Variants in SLC24A4 observed in about 807,000 individuals in gnomAD.
SLC24A4 encodes solute carrier family 24 member 4.
A neutral mutation model predicts 79.0 loss-of-function variants in SLC24A4; 53 were observed. That is an observed-to-expected ratio of 0.67 (90% CI 0.54 to 0.84). The LOEUF (loss-of-function observed/expected upper bound fraction) is 0.84. Ranked by LOEUF, SLC24A4 falls within the 40% of genes least tolerant of loss-of-function variation. The pLI is 0.00. For synonymous variants in SLC24A4, 323 were observed against 323.8 expected (o/e 1.00, Z 0.03); for missense variants, 731 against 822.0 (o/e 0.89, Z 1.35).
chr14:92,351,236 G>GCA (rs1555360939), intron 2 of SLC24A4, among the ~76,000 whole-genome samples: 5,050 of 147,020 alleles, frequency 0.034, 93 homozygotes, highest in East Asian at 0.068. Flanking sequence ...ACACATACAC[G>GCA]CACACACACA....
chr14:92,360,540 C>G (rs1887449457), intron 2 of SLC24A4, among the ~76,000 whole-genome samples: 1 of 152,224 alleles, frequency 6.6e-6, no homozygotes, highest in African/African-American at 2.4e-5. Context: ...TTTATGTCCT[C>G]TCTGGGGCTG....
chr14:92,348,141 G>A (rs1253956826), intron 2 of SLC24A4, among the ~76,000 whole-genome samples: 1 of 152,092 alleles, frequency 6.6e-6, no homozygotes, highest in Non-Finnish European at 1.5e-5. Context: ...AGTTACTAAG[G>A]TGCTCCATTT....
At position 92,337,072 on chromosome 14, in the gene SLC24A4, G is replaced by C. The variant is rs182360012; in HGVS notation, c.241+11094G>C. Among the ~76,000 whole-genome samples the C allele has an allele frequency of 2.0e-3, 312 of 152,290 alleles. 2 individuals are homozygous for C. The South Asian group carries it at 0.023, about 11-fold the overall frequency. On this transcript the variant is annotated intron_variant, in intron 2 of 16. Transcript: ENST00000532405. ...GAGCCAGTGCTCAACTAGGGCTAGG[G>C]CTGGATCAGATTACTTGGATTTTTT... is the stretch of plus-strand genomic sequence containing the variant.
chr14:92,353,964 C>T lies in SLC24A4; in HGVS notation c.241+27986C>T, dbSNP rs972241457. Among the ~76,000 whole-genome samples, 5 of 152,208 alleles carry T rather than the reference C, an allele frequency of 3.3e-5. No individual in the cohort carries two copies. Among genetic ancestry groups the T allele is most frequent in the African/African-American group, 1.2e-4 (5 of 41,460 alleles). On this transcript the variant is annotated intron_variant, in intron 2 of 16. Coordinates refer to ENST00000532405, the MANE Select transcript of SLC24A4 (RefSeq NM_153646.4). This position sits in a 1 kb window ranked among gnomAD's most constrained non-coding sequence, Gnocchi z 4.1. ...ATGGGCTGACCCCGTGCTGGAGTCA[C>T]CTCGCAGTCACTTGCTAAGAGAAAT... is the stretch of plus-strand genomic sequence containing the variant.
intron 2 of SLC24A4, among the ~76,000 whole-genome samples, chr14:92,403,274 C>T (rs1006099124): frequency 2.0e-5 from 3 of 152,042 alleles, no homozygotes; most frequent in Non-Finnish European, 4.4e-5. Context: ...AGTCATGCAT[C>T]CCCGCACACA....
chr14:92,339,029 G>T (rs1270097990), intron 2 of SLC24A4, among the ~76,000 whole-genome samples: 1 of 152,194 alleles, frequency 6.6e-6, no homozygotes, highest in Non-Finnish European at 1.5e-5. Flanking sequence ...TCCCTGGCTG[G>T]CCCCTCTAGC....
In SLC24A4 at chr14:92,498,205, C is replaced by T. The variant is rs1350821881; in HGVS notation, c.*4577C>T. The T allele has an allele frequency of 6.6e-6, 1 of 152,276 alleles. No individual in the cohort carries two copies. Among genetic ancestry groups the T allele is most frequent in the African/African-American group, 2.4e-5 (1 of 41,456 alleles). 9.4% of individuals were successfully genotyped at this position (152,276 alleles called of 1,614,324 possible). ...GTGCACCCGAAGGATTTCCTGGTCT[C>T]TGTAGCTGATCCTGTGAGCCCCTCA... On this transcript the variant is annotated 3_prime_UTR_variant, in exon 17 of 17. Transcript: ENST00000532405.
At chr14:92,479,420 T>C (rs774833025) in intron 12 of SLC24A4, among the ~76,000 whole-genome samples, 11 of 152,152 alleles carry the variant, frequency 7.2e-5, no homozygotes, top group Admixed American at 2.0e-4. Context: ...CAAGAAAGAG[T>C]GTTGAATTTT....
Position 92,490,506 on chromosome 14 carries a change from A to G in SLC24A4, c.1538-1159A>G, listed in dbSNP as rs1302880185. ...CACCCTTCAGAAACTACCAGAGCAT[A>G]CAATCCGATATCCTGTGATTCCCAG... On this transcript the variant is annotated intron_variant, in intron 14 of 16. Coordinates refer to ENST00000532405, the MANE Select transcript of SLC24A4 (RefSeq NM_153646.4). The surrounding 1 kb of genome is among the most constrained non-coding windows in gnomAD (Gnocchi z 4.3). Among the ~76,000 whole-genome samples the G allele has an allele frequency of 2.6e-5, 4 of 152,188 alleles. No individual in the cohort carries two copies. The highest frequency in any genetic ancestry group is 2.0e-4 in the Admixed American group (3 of 15,272).
rs1010484829 is a variant in SLC24A4, at chr14:92,441,837, C to T, written c.394-252C>T. Among the ~76,000 whole-genome samples, 12 of 152,124 alleles carry T rather than the reference C, an allele frequency of 7.9e-5. No homozygotes were observed. Among genetic ancestry groups the T allele is most frequent in the Non-Finnish European group, 1.5e-4 (10 of 68,020 alleles). On this transcript the variant is annotated intron_variant, in intron 4 of 16. Transcript: ENST00000532405. This position sits in a 1 kb window ranked among gnomAD's most constrained non-coding sequence, Gnocchi z 4.6. ...TCATCAGGGAGACATTATTTGGTCA[C>T]GGGCTTGGAGGACAAACAGAAAGGA...
Position 92,495,000 on chromosome 14 carries a change from A to G in SLC24A4, c.*1372A>G, listed in dbSNP as rs955895889. 4 of 152,620 alleles carry G rather than the reference A, an allele frequency of 2.6e-5. No homozygotes were observed. The highest frequency in any genetic ancestry group is 2.6e-4 in the Admixed American group (4 of 15,284). The allele number at this position is 152,620 out of a possible 1,614,324, so 9.5% of individuals were successfully genotyped here. A position where few individuals can be genotyped will look rare whatever the true frequency, so the allele number is the denominator to read the frequency against. On this transcript the variant is annotated 3_prime_UTR_variant, in exon 17 of 17. Coordinates refer to ENST00000532405, the MANE Select transcript of SLC24A4 (RefSeq NM_153646.4). The surrounding 1 kb of genome is among the most constrained non-coding windows in gnomAD (Gnocchi z 4.6). ...TAGAGAGGTTTTTTATTTTTTTAAT[A>G]TTTCTATTGCAAAAGTCTATCCGAT...
chr14:92,417,663 T>C (rs1891054077), intron 2 of SLC24A4, among the ~76,000 whole-genome samples: 1 of 152,266 alleles, frequency 6.6e-6, no homozygotes, highest in African/African-American at 2.4e-5. Context: ...GCTCCATTTG[T>C]GGTAAGTGCC....
rs777031420 is a variant in SLC24A4 at position 92,488,074 on chromosome 14, C to CTTTTTTT, written c.1537+1303_1537+1309dup. Among the ~76,000 whole-genome samples, 3 of 138,780 alleles carry CTTTTTTT rather than the reference C, an allele frequency of 2.2e-5. 1 individual carries two copies. The allele number at this position is 138,780 out of a possible 152,430, so 91.0% of individuals were successfully genotyped here. On this transcript the variant is annotated intron_variant, in intron 14 of 16. Transcript: ENST00000532405. ...TCTCCTCCTCCTCCTCCTTCTTCCT[C>CTTTTTTT]TTTTTTTTTTTTTTTGTGATGGAGT... is the stretch of plus-strand genomic sequence containing the variant.
intron 2 of SLC24A4, among the ~76,000 whole-genome samples, chr14:92,361,829 A>G (rs1487874914): frequency 6.6e-6 from 1 of 152,128 alleles, no homozygotes; most frequent in Non-Finnish European, 1.5e-5. Context: ...TGAGGTCTCC[A>G]TGAATCCTCC....
intron 4 of SLC24A4, 56 bp from the exon 5 acceptor site, chr14:92,442,033 T>C (rs911052729): frequency 7.2e-7 from 1 of 1,396,990 alleles, no homozygotes; most frequent in Non-Finnish European, 1.0e-6. Flanking sequence ...GAGCGTCCAG[T>C]GATGTCCAGT....
chr14:92,341,746 A>T (rs1886155837), intron 2 of SLC24A4, among the ~76,000 whole-genome samples: 1 of 152,196 alleles, frequency 6.6e-6, no homozygotes. Flanking sequence ...GGGATGTTTC[A>T]GTTAGATGGG....
At chr14:92,414,100 T>G (rs2141800851) in intron 2 of SLC24A4, among the ~76,000 whole-genome samples, 1 of 152,196 alleles carries the variant, frequency 6.6e-6, no homozygotes, top group South Asian at 2.1e-4. Flanking sequence ...CAGTGTTCAG[T>G]GGGCAAAGAC....
intron 2 of SLC24A4, among the ~76,000 whole-genome samples, chr14:92,380,947 G>C (rs1396024638): frequency 6.6e-6 from 1 of 152,182 alleles, no homozygotes; most frequent in Non-Finnish European, 1.5e-5. Flanking sequence ...TGGGCCTGCT[G>C]TGAGGGTTCA....
rs551375860 is a variant in SLC24A4 at position 92,437,008 on chromosome 14, T to C, written c.319-2327T>C. ...GATGCAGCTAATGTATCTTCTACTT[T>C]ATTAATCCCAATGAATGAATGGTGA... On this transcript the variant is annotated intron_variant, in intron 3 of 16. Coordinates refer to ENST00000532405, the MANE Select transcript of SLC24A4 (RefSeq NM_153646.4). Among the ~76,000 whole-genome samples the C allele has an allele frequency of 3.9e-5, 6 of 152,366 alleles. No individual in the cohort carries two copies. The South Asian group carries it at 1.0e-3, about 26-fold the overall frequency.
Sources: allele counts gnomAD v4.1 joint callset (sites outside exome capture counted in the v4.1 genomes callset), GRCh38; gene constraint gnomAD v4.1.1; non-coding constraint Gnocchi (gnomAD v3.1); transcripts MANE v1.5; gene names NCBI Gene and HGNC (gene_info 2026-07-23, HGNC 2026-07-21).